Variants in RHOBTB3 observed in about 807,000 individuals in gnomAD.
The protein encoded by RHOBTB3 is Rho related BTB domain containing 3, also known as rho-related BTB domain-containing protein 3.
A neutral mutation model predicts 67.2 loss-of-function variants in RHOBTB3; 47 were observed. The ratio of observed to expected loss-of-function variants is 0.70; its 90% CI spans 0.55 to 0.89. RHOBTB3 has a LOEUF of 0.89. RHOBTB3 is among the 40% of genes least tolerant of loss of function. The probability of loss-of-function intolerance (pLI) is 0.00; values close to 1 mark genes in which losing one functional copy is unlikely to be tolerated. For synonymous variants in RHOBTB3, 273 were observed against 274.2 expected (o/e 1.00, Z 0.04); for missense variants, 631 against 750.0 (o/e 0.84, Z 1.85).
chr5:95,729,771 T>C (rs762552469), upstream of RHOBTB3, among the ~76,000 whole-genome samples: 14 of 152,236 alleles, frequency 9.2e-5, no homozygotes, highest in Non-Finnish European at 1.9e-4. Flanking sequence ...GAATCACTTT[T>C]TGTGATTTGC....
chr5:95,761,271 A>G (rs570739327), intron 6 of RHOBTB3, among the ~76,000 whole-genome samples: 1 of 151,156 alleles, frequency 6.6e-6, no homozygotes, highest in South Asian at 2.1e-4. Flanking sequence ...AAATACTTAC[A>G]TGTTCCCTTT....
In RHOBTB3 at chr5:95,780,356, G is replaced by T. The variant is rs202221789; in HGVS notation, c.1387G>T (p.Val463Phe). The change falls in exon 9 of 12, where the codon GTT becomes TTT. Residue 463 changes from valine (V) to phenylalanine (F), a missense_variant. By Grantham distance (50) the Val-to-Phe change is conservative (BLOSUM62 -1). Transcript: ENST00000379982. ...YMEAKSVLIP[V>F]YGVSKETFLS... The stretch of plus-strand genomic sequence containing the variant: ...GGAAGCAAAGAGTGTCCTGATTCCC[G>T]TTTATGGTGTTTCCAAAGAGACTTT... The T allele has an allele frequency of 1.2e-6, 2 of 1,613,982 alleles. No homozygotes were observed. Among genetic ancestry groups the T allele is most frequent in the Non-Finnish European group, 1.7e-6 (2 of 1,179,850 alleles).
At chr5:95,783,561 C>CAAAAAAAAAAAAAA (rs201633409) in intron 9 of RHOBTB3, 7 of 107,662 alleles carry the variant, frequency 6.5e-5, no homozygotes, top group African/African-American at 1.4e-4. Context: ...CCTGTCTCTA[C>CAAAAAAAAAAAAAA]AAAAAAAAAA....
In RHOBTB3 at chr5:95,795,658, T is replaced by C. The variant is rs534502512; in HGVS notation, c.*2484T>C. ...TGTGAGTGACACCAACATCCAGATG[T>C]CACAGCTCTCCAGAGCTAGTCAGAA... On this transcript the variant is annotated 3_prime_UTR_variant, in exon 12 of 12. Transcript: ENST00000379982. 1 of 152,358 alleles carries C rather than the reference T, an allele frequency of 6.6e-6. No homozygotes were observed. The highest frequency in any genetic ancestry group is 1.5e-5 in the Non-Finnish European group (1 of 68,036). 9.4% of individuals were successfully genotyped at this position (152,358 alleles called of 1,614,324 possible).
In RHOBTB3 at chr5:95,793,851, G is replaced by A. The variant is rs1223861194; in HGVS notation, c.*677G>A. On this transcript the variant is annotated 3_prime_UTR_variant, in exon 12 of 12. Coordinates refer to ENST00000379982, the MANE Select transcript of RHOBTB3 (RefSeq NM_014899.4). ...TGTAGCAGCACAGGGCCCACACTTA[G>A]AAGGACCCCACACTTGGTTCAAGGC... 2 of 377,084 alleles carry A rather than the reference G, an allele frequency of 5.3e-6. No homozygotes were observed. The allele number at this position is 377,084 out of a possible 1,614,324, so 23.4% of individuals were successfully genotyped here. A position where few individuals can be genotyped will look rare whatever the true frequency, so the allele number is the denominator to read the frequency against.
At chr5:95,764,656 G>A (rs1206516829) in intron 7 of RHOBTB3, among the ~76,000 whole-genome samples, 3 of 152,222 alleles carry the variant, frequency 2.0e-5, no homozygotes, top group South Asian at 2.1e-4. Flanking sequence ...AATACTTAGC[G>A]GAGTAAAGGT....
chr5:95,783,561 CAAAAAAAA>C (rs201633409), intron 9 of RHOBTB3: 461 of 107,620 alleles, frequency 4.3e-3, no homozygotes, highest in Middle Eastern at 0.03. Context: ...CCTGTCTCTA[CAAAAAAAA>C]AAAAAAAAAA....
chr5:95,783,750 G>A, intron 9 of RHOBTB3, 47 bp from the exon 10 acceptor site: 1 of 1,542,966 alleles, frequency 6.5e-7, no homozygotes, highest in East Asian at 2.3e-5. Context: ...GATCATTAAA[G>A]AAATGGTTTC....
At chr5:95,753,715 A>T (rs1206906955) in intron 5 of RHOBTB3, among the ~76,000 whole-genome samples, 1 of 152,232 alleles carries the variant, frequency 6.6e-6, no homozygotes, top group Admixed American at 6.5e-5. Context: ...ATGACCACAT[A>T]AATAATGTAG....
At chr5:95,750,383 C>G (rs768815229) in intron 4 of RHOBTB3, among the ~76,000 whole-genome samples, 4 of 152,198 alleles carry the variant, frequency 2.6e-5, no homozygotes, top group Non-Finnish European at 5.9e-5. Context: ...CTTTCTAGAC[C>G]TGCGCTGTCC....
At chr5:95,744,048 C>T (rs1245867444) in intron 3 of RHOBTB3, among the ~76,000 whole-genome samples, 1 of 151,170 alleles carries the variant, frequency 6.6e-6, no homozygotes, top group Non-Finnish European at 1.5e-5. Flanking sequence ...CTCCCTCCCT[C>T]TCTCCTTCCC....
chr5:95,793,104 T>C lies in RHOBTB3; in HGVS notation c.1766T>C (p.Met589Thr), dbSNP rs747053110. The C allele has an allele frequency of 1.2e-6, 2 of 1,613,708 alleles. No individual in the cohort carries two copies. Among genetic ancestry groups the C allele is most frequent in the Middle Eastern group, 1.7e-4 (1 of 6,058 alleles). The change falls in exon 12 of 12, where the codon ATG becomes ACG. Residue 589 changes from methionine to threonine, a missense_variant. Coordinates refer to ENST00000379982, the MANE Select transcript of RHOBTB3 (RefSeq NM_014899.4). ...GAAAAGCACAGATGGCCGTCGAATA[T>C]GTACTTGAAGCAGCTTGCGGAATAC... ...FVEKHRWPSNMYLKQLAEYRK... is the reference protein window; with the variant it reads ...FVEKHRWPSNTYLKQLAEYRK...
At chr5:95,767,469 C>G (rs1343784531) in intron 7 of RHOBTB3, among the ~76,000 whole-genome samples, 1 of 151,992 alleles carries the variant, frequency 6.6e-6, no homozygotes, top group Admixed American at 6.5e-5. Flanking sequence ...TCCCAAGTAG[C>G]TGGTATTACA....
chr5:95,783,021 T>C (rs528563922), intron 9 of RHOBTB3, among the ~76,000 whole-genome samples: 6 of 151,840 alleles, frequency 4.0e-5, no homozygotes, highest in African/African-American at 1.4e-4. Context: ...TCACCTTTTC[T>C]GAAGAATTAA....
At position 95,731,527 on chromosome 5, in the gene RHOBTB3, G is replaced by A; in HGVS notation, c.-156G>A. The stretch of plus-strand genomic sequence containing the variant: ...TCGCTCGCTGGCTGGCGCGGCCCCG[G>A]CCCCGCTCTGCGTCGGCCCCGCCGC... On this transcript the variant is annotated 5_prime_UTR_variant, in exon 1 of 12. Transcript: ENST00000379982. The A allele has an allele frequency of 7.4e-7, 1 of 1,345,960 alleles. No homozygotes were observed. The highest frequency in any genetic ancestry group is 9.5e-7 in the Non-Finnish European group (1 of 1,053,404). 83.4% of individuals were successfully genotyped at this position (1,345,960 alleles called of 1,614,324 possible). A position where few individuals can be genotyped will look rare whatever the true frequency, so the allele number is the denominator to read the frequency against.
intron 10 of RHOBTB3, among the ~76,000 whole-genome samples, chr5:95,785,461 G>T (rs183762463): frequency 0.021 from 3,177 of 152,016 alleles, 51 homozygotes; most frequent in Middle Eastern, 0.048. Context: ...GGGTATAGTG[G>T]CGGGTGCCTG....
chr5:95,783,370 C>G (rs778916970), intron 9 of RHOBTB3, among the ~76,000 whole-genome samples: 2 of 151,446 alleles, frequency 1.3e-5, no homozygotes, highest in Non-Finnish European at 2.9e-5. Context: ...GATCCGCCCA[C>G]CTCGGCCTCC....
intron 2 of RHOBTB3, among the ~76,000 whole-genome samples, chr5:95,736,051 G>A (rs912733647): frequency 2.6e-5 from 4 of 152,016 alleles, no homozygotes; most frequent in African/African-American, 4.8e-5. Context: ...GCAGTGAGCC[G>A]AGATCGCACC....
intron 8 of RHOBTB3, among the ~76,000 whole-genome samples, chr5:95,778,745 A>G (rs1458346242): frequency 6.6e-6 from 1 of 152,218 alleles, no homozygotes; most frequent in Non-Finnish European, 1.5e-5. Flanking sequence ...AAATGGCATG[A>G]CCTGTTTGTA....
Sources: allele counts gnomAD v4.1 joint callset (sites outside exome capture counted in the v4.1 genomes callset), GRCh38; gene constraint gnomAD v4.1.1; transcripts MANE v1.5; gene names NCBI Gene and HGNC (gene_info 2026-07-23, HGNC 2026-07-21).